DAB2IP: variants seen among roughly 807,000 people sequenced by gnomAD.
DAB2IP encodes the protein DAB2 interacting protein.
DAB2IP carries 28 observed loss-of-function variants against 107.2 expected under a neutral mutation model. The observed-to-expected ratio is 0.26, with a 90% CI of 0.19 to 0.36. The LOEUF (loss-of-function observed/expected upper bound fraction) is 0.36. DAB2IP is among the 10% of genes least tolerant of loss of function. The pLI is 1.00. For synonymous variants in DAB2IP, 755 were observed against 706.4 expected (o/e 1.07, Z -1.09); for missense variants, 1,400 against 1,644.7 (o/e 0.85, Z 2.57).
intron 1 of DAB2IP, among the ~76,000 whole-genome samples, chr9:121,641,836 TTC>T (rs1430235308): frequency 5.3e-5 from 8 of 151,606 alleles, no homozygotes; most frequent in African/African-American, 1.7e-4. Flanking sequence ...TTTCTTTCTT[TTC>T]TTTCTTTCTT....
rs200711206 is a variant in DAB2IP, at chr9:121,593,793, G to A, written c.40+26565G>A. ...AGCGATTCTCCTGCCTCAGCCTCCCGAGTAGCTAGGACTACAGGCATGCAC... is the reference window on the plus strand; with the variant it reads ...AGCGATTCTCCTGCCTCAGCCTCCCAAGTAGCTAGGACTACAGGCATGCAC... On this transcript the variant is annotated intron_variant, in intron 1 of 16. Coordinates refer to the DAB2IP transcript ENST00000259371. 1.6e-4 allele frequency among the ~76,000 whole-genome samples: 24 copies of A among 149,930 alleles called. No individual in the cohort carries two copies. In the East Asian group the frequency reaches 3.4e-3, roughly 21 times the overall value.
At chr9:121,750,601 G>A (rs780615624) in intron 3 of DAB2IP, among the ~76,000 whole-genome samples, 7 of 152,138 alleles carry the variant, frequency 4.6e-5, no homozygotes, top group African/African-American at 1.7e-4. Context: ...CTGAGCTTTC[G>A]AGATTTGGAG....
chr9:121,736,930 A>G lies in DAB2IP; in HGVS notation c.363-20083A>G, dbSNP rs943297606. ...GACTTCAGGGTAGTTCTGTGGAGAA[A>G]ATGAAGCAGGGTGATAACTTGGGAG... On this transcript the variant is annotated intron_variant, in intron 3 of 15. Transcript: ENST00000408936. The surrounding 1 kb of genome is among the most constrained non-coding windows in gnomAD (Gnocchi z 4.6). Among the ~76,000 whole-genome samples, 3 of 152,176 alleles carry G rather than the reference A, an allele frequency of 2.0e-5. No homozygotes were observed. Among genetic ancestry groups the G allele is most frequent in the Non-Finnish European group, 4.4e-5 (3 of 68,036 alleles).
chr9:121,752,198 C>T (rs1454855286), intron 3 of DAB2IP, among the ~76,000 whole-genome samples: 1 of 152,216 alleles, frequency 6.6e-6, no homozygotes, highest in African/African-American at 2.4e-5. Context: ...GAATGCTGCT[C>T]TTGGGACTTG....
At chr9:121,726,886 C>T (rs1831264016) in intron 3 of DAB2IP, among the ~76,000 whole-genome samples, 1 of 152,184 alleles carries the variant, frequency 6.6e-6, no homozygotes, top group Admixed American at 6.6e-5. Flanking sequence ...CCACCCTACT[C>T]CCTCATACTG....
chr9:121,696,722 C>T (rs925793193), intron 2 of DAB2IP, among the ~76,000 whole-genome samples: 2 of 152,184 alleles, frequency 1.3e-5, no homozygotes, highest in Non-Finnish European at 2.9e-5. Flanking sequence ...ACAGCCTTTG[C>T]ATCTGAGTCC....
chr9:121,754,863 G>C (rs1009823607), intron 3 of DAB2IP, among the ~76,000 whole-genome samples: 2 of 152,134 alleles, frequency 1.3e-5, no homozygotes, highest in Non-Finnish European at 2.9e-5. Flanking sequence ...CCAGGCAGGA[G>C]GCGGCCTCAG....
intron 3 of DAB2IP, among the ~76,000 whole-genome samples, chr9:121,731,170 C>T (rs753430487): frequency 5.3e-5 from 8 of 152,212 alleles, no homozygotes; most frequent in South Asian, 2.1e-4. Context: ...TGTGTACCTT[C>T]CCCTCTCTAC....
chr9:121,637,368 A>T (rs1832124861), intron 1 of DAB2IP, among the ~76,000 whole-genome samples: 1 of 152,192 alleles, frequency 6.6e-6, no homozygotes, highest in South Asian at 2.1e-4. Flanking sequence ...CCTATATTTC[A>T]GAGAAGCCAC....
chr9:121,596,275 G>A (rs1189413455), intron 1 of DAB2IP, among the ~76,000 whole-genome samples: 1 of 152,188 alleles, frequency 6.6e-6, no homozygotes, highest in Non-Finnish European at 1.5e-5. Context: ...AGGTTGCGGT[G>A]AACTGAGATC....
At chr9:121,780,385 C>T (rs984345641) in intron 14 of DAB2IP, among the ~76,000 whole-genome samples, 3 of 152,198 alleles carry the variant, frequency 2.0e-5, no homozygotes, top group Admixed American at 6.5e-5. Flanking sequence ...AACTGCTGCC[C>T]TGCTGCCCCC....
intron 1 of DAB2IP, among the ~76,000 whole-genome samples, chr9:121,663,831 C>T (rs1047882258): frequency 6.6e-6 from 1 of 152,250 alleles, no homozygotes; most frequent in African/African-American, 2.4e-5. Flanking sequence ...CTTGGGAGCA[C>T]TGTCTTCTCA....
chr9:121,660,503 G>T (rs1833153347), intron 1 of DAB2IP, among the ~76,000 whole-genome samples: 2 of 152,186 alleles, frequency 1.3e-5, no homozygotes, highest in African/African-American at 4.8e-5. Flanking sequence ...TTTTGAAGGA[G>T]GCCGGCAGGT....
At chr9:121,726,557 G>C (rs908814478) in intron 3 of DAB2IP, among the ~76,000 whole-genome samples, 2 of 152,226 alleles carry the variant, frequency 1.3e-5, no homozygotes, top group Admixed American at 1.3e-4. Flanking sequence ...TGGGGGGATA[G>C]TCTTGGGGAC....
chr9:121,776,361 A>G lies in DAB2IP; in HGVS notation c.3284A>G (p.Lys1095Arg). 1 of 1,549,632 alleles carries G rather than the reference A, an allele frequency of 6.5e-7. No individual in the cohort carries two copies. Among genetic ancestry groups the G allele is most frequent in the Non-Finnish European group, 8.7e-7 (1 of 1,146,406 alleles). ...CGGCTGCGGCGGCAGCAGGAGGACAAGGACATCCAGATGAAGGGCATCATC... is the reference window on the plus strand; with the variant it reads ...CGGCTGCGGCGGCAGCAGGAGGACAGGGACATCCAGATGAAGGGCATCATC... The change falls in exon 14 of 16, where the codon AAG becomes AGG. Residue 1095 changes from lysine (K) to arginine (R), a missense_variant. By Grantham distance (26) the Lys-to-Arg change is conservative (BLOSUM62 2). Coordinates refer to ENST00000408936, the Ensembl canonical transcript of DAB2IP. This position sits in a 1 kb window ranked among gnomAD's most constrained non-coding sequence, Gnocchi z 5.4.
chr9:121,627,471 T>C (rs1256865618), intron 1 of DAB2IP, among the ~76,000 whole-genome samples: 1 of 152,136 alleles, frequency 6.6e-6, no homozygotes, highest in African/African-American at 2.4e-5. Flanking sequence ...ATCTGAAGGA[T>C]AGCATGTAGA....
chr9:121,595,037 A>T (rs1410965907), intron 1 of DAB2IP, among the ~76,000 whole-genome samples: 1 of 152,102 alleles, frequency 6.6e-6, no homozygotes, highest in Non-Finnish European at 1.5e-5. Context: ...GTCTCAGCTG[A>T]CTGGGACTAG....
At chr9:121,767,034 TAACA>T (rs1834336473) in intron 9 of DAB2IP, among the ~76,000 whole-genome samples, 1 of 152,250 alleles carries the variant, frequency 6.6e-6, no homozygotes, top group African/African-American at 2.4e-5. Flanking sequence ...ACATATCCCT[TAACA>T]TTCATTAAGC....
intron 1 of DAB2IP, among the ~76,000 whole-genome samples, chr9:121,593,633 T>C (rs1016918282): frequency 4.6e-5 from 7 of 150,710 alleles, no homozygotes; most frequent in African/African-American, 1.7e-4. Flanking sequence ...TTAGTTTTAT[T>C]TTATTTTCTT....
Sources: allele counts gnomAD v4.1 joint callset (sites outside exome capture counted in the v4.1 genomes callset), GRCh38; gene constraint gnomAD v4.1.1; non-coding constraint Gnocchi (gnomAD v3.1); transcripts MANE v1.5; gene names NCBI Gene and HGNC (gene_info 2026-07-23, HGNC 2026-07-21).